JAK1: variants seen among roughly 807,000 people sequenced by gnomAD.
JAK1 encodes the protein tyrosine-protein kinase JAK1.
Under a neutral mutation model 136.6 loss-of-function variants are expected in JAK1, and 16 were observed. The observed-to-expected ratio is 0.12, with a 90% CI of 0.08 to 0.18. The LOEUF (loss-of-function observed/expected upper bound fraction) is 0.18, where lower values mean the gene tolerates loss of function less well. Ranked by LOEUF, JAK1 falls within the 10% of genes least tolerant of loss-of-function variation. JAK1 has a pLI of 1.00. For synonymous variants in JAK1, 492 were observed against 519.5 expected (o/e 0.95, Z 0.72); for missense variants, 859 against 1,450.1 (o/e 0.59, Z 6.62).
chr1:64,847,357 T>C (rs1030160010), intron 13 of JAK1, among the ~76,000 whole-genome samples, 175 bp downstream of exon 13: 2 of 152,108 alleles, frequency 1.3e-5, no homozygotes, highest in Non-Finnish European at 2.9e-5. Flanking sequence ...CCCACCTCAC[T>C]TACTCTACAT....
intron 2 of JAK1, among the ~76,000 whole-genome samples, chr1:65,012,917 C>A (rs1444912221): frequency 6.6e-6 from 1 of 150,658 alleles, no homozygotes; most frequent in Non-Finnish European, 1.5e-5. Context: ...CACGGTGAAA[C>A]CCCATCTCTA....
chr1:64,874,987 T>C (rs557171897), intron 4 of JAK1, among the ~76,000 whole-genome samples: 33 of 152,348 alleles, frequency 2.2e-4, no homozygotes, highest in African/African-American at 7.2e-4. Context: ...GACTACACTG[T>C]GACTTCCATA....
chr1:65,001,835 T>C (rs958851356), intron 2 of JAK1, among the ~76,000 whole-genome samples: 1 of 151,926 alleles, frequency 6.6e-6, no homozygotes, highest in Non-Finnish European at 1.5e-5. Context: ...TAGATGGTGA[T>C]GCAGGTAAGT....
At chr1:64,861,870 T>A (rs1240958194) in intron 8 of JAK1, among the ~76,000 whole-genome samples, 3 of 152,068 alleles carry the variant, frequency 2.0e-5, no homozygotes, top group Non-Finnish European at 4.4e-5. Flanking sequence ...CCTGCGGATA[T>A]CCCTGAAGAG....
At chr1:65,023,676 G>T (rs189776258) in intron 2 of JAK1, among the ~76,000 whole-genome samples, 222 of 152,092 alleles carry the variant, frequency 1.5e-3, no homozygotes, top group African/African-American at 5.1e-3. Flanking sequence ...GTAGAGATGG[G>T]GTTTCACCAT....
At chr1:64,847,336 G>C (rs1173714863) in intron 13 of JAK1, among the ~76,000 whole-genome samples, 196 bp downstream of exon 13, 3 of 152,108 alleles carry the variant, frequency 2.0e-5, no homozygotes, top group Non-Finnish European at 4.4e-5. Context: ...TGAGTGTGAG[G>C]AGCTGTTCAA....
chr1:64,845,395 C>T, intron 15 of JAK1, 118 bp downstream of exon 15: 1 of 1,157,526 alleles, frequency 8.6e-7, no homozygotes, highest in Non-Finnish European at 1.3e-6. Flanking sequence ...AGAGCCCTGG[C>T]CCCATGGAAC....
chr1:64,944,162 C>T lies in JAK1; in HGVS notation c.-78+22171G>A, dbSNP rs1022804558. On this transcript the variant is annotated intron_variant, in intron 1 of 24. Coordinates refer to ENST00000342505, the MANE Select transcript of JAK1 (RefSeq NM_002227.4). ...GCATGAACCCAGGAGGCGGAGCTTG[C>T]AGTGAGCCGAGATCGCACCATTGCA... Among the ~76,000 whole-genome samples the T allele has an allele frequency of 2.2e-5, 3 of 137,584 alleles. No homozygotes were observed. In the East Asian group the frequency reaches 6.5e-4, roughly 30 times the overall value. The allele number at this position is 137,584 out of a possible 152,430, so 90.3% of individuals were successfully genotyped here.
chr1:64,965,492 G>C (rs577919049), intron 1 of JAK1, among the ~76,000 whole-genome samples: 1 of 152,150 alleles, frequency 6.6e-6, no homozygotes, highest in Non-Finnish European at 1.5e-5. Flanking sequence ...CACATCCAAG[G>C]AGCCCACATC....
chr1:64,852,516 A>C (rs991939996), intron 11 of JAK1, among the ~76,000 whole-genome samples: 8 of 152,208 alleles, frequency 5.3e-5, no homozygotes, highest in African/African-American at 1.9e-4. Flanking sequence ...GAGGCAACTC[A>C]GGCTCAACTC....
At chr1:64,978,008 G>T (rs936440233) in intron 2 of JAK1, among the ~76,000 whole-genome samples, 2 of 151,016 alleles carry the variant, frequency 1.3e-5, no homozygotes, top group Admixed American at 1.3e-4. Flanking sequence ...GGCTGGACGT[G>T]GTGGCTCACG....
intron 2 of JAK1, among the ~76,000 whole-genome samples, chr1:65,026,811 AC>A (rs771025016): frequency 6.6e-6 from 1 of 151,970 alleles, no homozygotes; most frequent in Non-Finnish European, 1.5e-5. Context: ...ACTAAAAAAT[AC>A]AAAAATTAGC....
intron 2 of JAK1, among the ~76,000 whole-genome samples, chr1:65,041,216 C>T (rs1054942246): frequency 1.3e-5 from 2 of 152,114 alleles, no homozygotes; most frequent in South Asian, 2.1e-4. Flanking sequence ...GCGAGGAGAC[C>T]GCGCCAAGTG....
intron 1 of JAK1, among the ~76,000 whole-genome samples, chr1:65,061,264 G>A (rs185439381): frequency 1.6e-3 from 237 of 152,098 alleles, no homozygotes; most frequent in Non-Finnish European, 2.9e-3. Flanking sequence ...ACAAAAAATA[G>A]TATGAGCAGG....
chr1:64,896,104 T>G (rs1367362050), intron 1 of JAK1, among the ~76,000 whole-genome samples: 1 of 152,228 alleles, frequency 6.6e-6, no homozygotes, highest in African/African-American at 2.4e-5. Context: ...ATCAATGAAT[T>G]GAAAACGGTG....
At chr1:64,838,616 T>G (rs895685748) in intron 20 of JAK1, 27 bp from the exon 21 acceptor site, 2 of 1,609,568 alleles carry the variant, frequency 1.2e-6, no homozygotes, top group Admixed American at 1.7e-5. Context: ...TCCATCAGTC[T>G]GAGGCTGCCA....
intron 2 of JAK1, among the ~76,000 whole-genome samples, chr1:65,015,296 A>C (rs1646883868): frequency 6.6e-6 from 1 of 152,192 alleles, no homozygotes; most frequent in Admixed American, 6.5e-5. Flanking sequence ...CAAAAATAAA[A>C]GCATGCAAAT....
At position 65,057,148 on chromosome 1, in the gene JAK1, G is replaced by A. The variant is rs370280140; in HGVS notation, c.-181+10456C>T. 1.5e-4 allele frequency among the ~76,000 whole-genome samples: 23 copies of A among 152,258 alleles called. 1 individual carries two copies. The highest frequency in any genetic ancestry group is 3.3e-4 in the Admixed American group (5 of 15,294). ...GGTAATATACCCGATTAGGCTCTGA[G>A]CCTAAAACACGTTCCATGAAATTAC... On this transcript the variant is annotated intron_variant, in intron 1 of 25. Transcript: ENST00000671954.
intron 20 of JAK1, among the ~76,000 whole-genome samples, chr1:64,839,010 A>G (rs375029606): frequency 0.012 from 1,837 of 150,250 alleles, 23 homozygotes; most frequent in African/African-American, 0.038. Context: ...GCCGGGCGTG[A>G]TGGCGGGCGC....
Sources: gnomAD v4.1 joint callset for allele counts (sites outside exome capture counted in the v4.1 genomes callset) on GRCh38, gnomAD v4.1.1 for gene constraint, MANE v1.5 for transcripts, NCBI Gene and HGNC (gene_info 2026-07-23, HGNC 2026-07-21) for gene names.